MCFD2: variants seen among roughly 807,000 people sequenced by gnomAD.
MCFD2 encodes multiple coagulation factor deficiency protein 2.
MCFD2 carries 11 observed loss-of-function variants against 12.8 expected under a neutral mutation model. The observed-to-expected ratio is 0.86, with a 90% confidence interval of 0.54 to 1.42. MCFD2 has a LOEUF of 1.42. MCFD2 is among the 40% of genes most tolerant of loss of function. The probability of loss-of-function intolerance (pLI) is 0.00; values close to 1 mark genes in which losing one functional copy is unlikely to be tolerated. For missense variants in MCFD2, 191 were observed against 178.6 expected (o/e 1.07, Z -0.40); for synonymous variants, 70 against 68.1 (o/e 1.03, Z -0.14).
intron 1 of MCFD2, among the ~76,000 whole-genome samples, chr2:46,921,811 A>C (rs530367074): frequency 1.3e-5 from 2 of 152,276 alleles, no homozygotes; most frequent in Admixed American, 1.3e-4. Flanking sequence ...GATCCCTTAC[A>C]TGCGCAGTTC....
Position 46,908,990 on chromosome 2 carries a change from GCCACTGGA to G in MCFD2, c.149+25_149+32del, listed in dbSNP as rs552507506. On this transcript the variant is annotated intron_variant, in intron 2 of 3. Transcript: ENST00000319466. This position sits in a 1 kb window ranked among gnomAD's most constrained non-coding sequence, Gnocchi z 4.5. ...TGGCTCAGCTGCAGATGATGGGGAG[GCCACTGGA>G]CCACAGCCCGGGCTGAATACGTACT... The G allele has an allele frequency of 1.4e-4, 220 of 1,613,974 alleles. No homozygotes were observed. The African/African-American group carries it at 2.7e-3, about 20-fold the overall frequency.
Position 46,905,310 on chromosome 2 carries a change from T to A in MCFD2, c.*153A>T. On this transcript the variant is annotated 3_prime_UTR_variant, in exon 4 of 4. Coordinates refer to ENST00000319466, the MANE Select transcript of MCFD2 (RefSeq NM_139279.6). ...CATTTCTCTTCTCTTTCATTTCTCT[T>A]ATCTCTTCTCACCCCAGTGTAACGA... 1.3e-6 allele frequency: 1 copy of A among 787,984 alleles called. No homozygotes were observed. Among genetic ancestry groups the A allele is most frequent in the Non-Finnish European group, 2.2e-6 (1 of 453,144 alleles). The allele number at this position is 787,984 out of a possible 1,614,324, so 48.8% of individuals were successfully genotyped here.
chr2:46,923,112 C>G (rs1189638309), intron 1 of MCFD2, among the ~76,000 whole-genome samples: 1 of 152,196 alleles, frequency 6.6e-6, no homozygotes, highest in Non-Finnish European at 1.5e-5. Flanking sequence ...CCCTCCTGGC[C>G]TGTGGATGTC....
chr2:46,925,719 C>T (rs1053850665), intron 1 of MCFD2, among the ~76,000 whole-genome samples: 4 of 152,184 alleles, frequency 2.6e-5, no homozygotes, highest in Non-Finnish European at 4.4e-5. Flanking sequence ...TTTCATTTTT[C>T]CCTAAGCAAC....
rs1668155785 is a variant in MCFD2, at chr2:46,904,953, A to C, written c.*510T>G. 4.5e-6 allele frequency: 1 copy of C among 224,674 alleles called. No homozygotes were observed. Among genetic ancestry groups the C allele is most frequent in the Non-Finnish European group, 8.9e-6 (1 of 112,076 alleles). The allele number at this position is 224,674 out of a possible 1,614,324, so 13.9% of individuals were successfully genotyped here. A position where few individuals can be genotyped will look rare whatever the true frequency, so the allele number is the denominator to read the frequency against. On this transcript the variant is annotated 3_prime_UTR_variant, in exon 4 of 4. Transcript: ENST00000319466. ...TTCCCACGTGTTGTGGGAGAGACCC[A>C]AGGGGAGGTAATTGAATCATGGGGG...
Position 46,940,373 on chromosome 2 carries a change from A to G in MCFD2, c.-8+1199T>C, listed in dbSNP as rs1030691523. The stretch of plus-strand genomic sequence containing the variant: ...CGGGTCTTGCTGTGGCTTCTCCAGC[A>G]CTGGTCTGTGAGCTGCGGCGGCAGC... On this transcript the variant is annotated intron_variant, in intron 1 of 2. Coordinates refer to the MCFD2 transcript ENST00000409147. This position sits in a 1 kb window ranked among gnomAD's most constrained non-coding sequence, Gnocchi z 4.7. Among the ~76,000 whole-genome samples, 1 of 152,108 alleles carries G rather than the reference A, an allele frequency of 6.6e-6. No individual in the cohort carries two copies. The highest frequency in any genetic ancestry group is 2.4e-5 in the African/African-American group (1 of 41,418).
At chr2:46,926,199 G>A (rs1027161946) in intron 1 of MCFD2, among the ~76,000 whole-genome samples, 7 of 152,198 alleles carry the variant, frequency 4.6e-5, no homozygotes, top group Admixed American at 2.0e-4. Context: ...CTTTACTGAA[G>A]CCTTACCATC....
At chr2:46,916,276 T>C, upstream of MCFD2, 2 of 679,924 alleles carry the variant, frequency 2.9e-6, no homozygotes, top group Non-Finnish European at 1.8e-6. Flanking sequence ...GGAGCCGGCC[T>C]TGGACCCTAC....
chr2:46,928,459 TAAAAAA>T (rs35897582), intron 1 of MCFD2, among the ~76,000 whole-genome samples: 7,245 of 81,950 alleles, frequency 0.088, 215 homozygotes, highest in East Asian at 0.15. Flanking sequence ...AAAGGGAAAT[TAAAAAA>T]AAAAAAAAAA....
At chr2:46,928,443 T>G (rs1572645673) in intron 1 of MCFD2, among the ~76,000 whole-genome samples, 6 of 122,498 alleles carry the variant, frequency 4.9e-5, no homozygotes, top group African/African-American at 6.4e-5. Context: ...CAAGCTCAGG[T>G]GGTGGAAAGG....
At chr2:46,916,130 A>C (rs550815327), upstream of MCFD2, 164 of 985,466 alleles carry the variant, frequency 1.7e-4, 3 homozygotes, top group African/African-American at 2.7e-3. Context: ...GCGGACCCCA[A>C]AGCTGGCTCC....
chr2:46,935,649 T>C (rs958616695), intron 1 of MCFD2, among the ~76,000 whole-genome samples: 1 of 152,190 alleles, frequency 6.6e-6, no homozygotes, highest in African/African-American at 2.4e-5. Context: ...GTGATCCAAC[T>C]GAGACCTCCT....
upstream of MCFD2, chr2:46,917,064 C>G (rs13388612): frequency 0.089 from 57,145 of 643,898 alleles, 3,680 homozygotes; most frequent in African/African-American, 0.25. Flanking sequence ...TTGAAAGTTG[C>G]CTAACGCCAC....
chr2:46,925,031 C>G (rs935683730), intron 1 of MCFD2, among the ~76,000 whole-genome samples: 1 of 152,174 alleles, frequency 6.6e-6, no homozygotes, highest in African/African-American at 2.4e-5. Flanking sequence ...ACAAATTGGC[C>G]TTTAGGGATA....
Position 46,941,602 on chromosome 2 carries a change from C to A in MCFD2, c.-38G>T. 6.4e-7 allele frequency: 1 copy of A among 1,556,876 alleles called. No homozygotes were observed. Among genetic ancestry groups the A allele is most frequent in the South Asian group, 1.2e-5 (1 of 84,420 alleles). On this transcript the variant is annotated 5_prime_UTR_variant, in exon 1 of 3. Transcript: ENST00000409147. This position sits in a 1 kb window ranked among gnomAD's most constrained non-coding sequence, Gnocchi z 4.2. ...GGTGGAGAGCGAGCTGGAGCGCTGC[C>A]GCGCCGAGGGCCACTGGGACCGCAT...
In MCFD2 at chr2:46,941,781, C is replaced by T; in HGVS notation, c.-217G>A. ...AGCGAGCGCGCGAAACGCACCGCCT[C>T]CTCCAGGAAGCGCGCCCAGACAGTC... On this transcript the variant is annotated 5_prime_UTR_variant, in exon 1 of 3. Transcript: ENST00000409147. This position sits in a 1 kb window ranked among gnomAD's most constrained non-coding sequence, Gnocchi z 4.2. 6.5e-7 allele frequency: 1 copy of T among 1,544,236 alleles called. No homozygotes were observed. Among genetic ancestry groups the T allele is most frequent in the East Asian group, 2.5e-5 (1 of 40,806 alleles).
chr2:46,939,037 G>A (rs1002015476), intron 1 of MCFD2, among the ~76,000 whole-genome samples: 7 of 150,928 alleles, frequency 4.6e-5, no homozygotes, highest in African/African-American at 7.3e-5. Flanking sequence ...AGTACTTTGC[G>A]GGCCAGGGTG....
chr2:46,920,940 A>G (rs1669072077), intron 1 of MCFD2, among the ~76,000 whole-genome samples: 1 of 151,958 alleles, frequency 6.6e-6, no homozygotes, highest in African/African-American at 2.4e-5. Context: ...AATTTTAAAA[A>G]GGCATCTGAC....
intron 1 of MCFD2, among the ~76,000 whole-genome samples, chr2:46,923,010 G>A (rs926629196): frequency 2.0e-5 from 3 of 152,142 alleles, no homozygotes; most frequent in East Asian, 1.9e-4. Flanking sequence ...TAAAGTATAC[G>A]AATAAACAGC....
Sources: allele counts gnomAD v4.1 joint callset (sites outside exome capture counted in the v4.1 genomes callset), GRCh38; gene constraint gnomAD v4.1.1; non-coding constraint Gnocchi (gnomAD v3.1); transcripts MANE v1.5; gene names NCBI Gene and HGNC (gene_info 2026-07-23, HGNC 2026-07-21).